The following GLB1 variants were observed in gnomAD, a reference collection of about 807,000 sequenced individuals.
The protein encoded by GLB1 is galactosidase beta 1, also known as beta-galactosidase.
GLB1 carries 56 observed loss-of-function variants against 74.0 expected under a neutral mutation model. That is an observed-to-expected ratio of 0.76 (90% CI 0.61 to 0.94). The LOEUF is 0.94. Ranked by LOEUF, GLB1 falls within the 40% of genes least tolerant of loss-of-function variation. The probability of loss-of-function intolerance (pLI) is 0.00; values close to 1 mark genes in which losing one functional copy is unlikely to be tolerated. For missense variants in GLB1, 787 were observed against 845.5 expected (o/e 0.93, Z 0.86); for synonymous variants, 323 against 323.6 (o/e 1.00, Z 0.02).
the GLB1 span, among the ~76,000 whole-genome samples, chr3:32,964,189 C>T: frequency 1.8e-4 from 27 of 152,318 alleles, no homozygotes; most frequent in Non-Finnish European, 3.5e-4. Flanking sequence ...TGCACCAAGA[C>T]TAGACTGTAC....
chr3:32,996,946 T>C lies in GLB1; in HGVS notation c.*99A>G, dbSNP rs983705429. On this transcript the variant is annotated 3_prime_UTR_variant, in exon 16 of 16. Coordinates refer to ENST00000307363, the MANE Select transcript of GLB1 (RefSeq NM_000404.4). ...GTGAAAATGCACATCCTAAATTCCTTTTCCATTTCCACATTCCAATCAGTG... is the reference window on the plus strand; with the variant it reads ...GTGAAAATGCACATCCTAAATTCCTCTTCCATTTCCACATTCCAATCAGTG... The C allele has an allele frequency of 2.5e-6, 4 of 1,605,906 alleles. No individual in the cohort carries two copies. The African/African-American group carries it at 4.0e-5, about 16-fold the overall frequency.
intron 2 of GLB1, among the ~76,000 whole-genome samples, chr3:33,069,895 T>A (rs577402779): frequency 6.6e-6 from 1 of 152,206 alleles, no homozygotes; most frequent in Non-Finnish European, 1.5e-5. Context: ...GGGTTTGGTG[T>A]ACAGATTATT....
intron 10 of GLB1, among the ~76,000 whole-genome samples, chr3:33,027,520 C>T (rs113236366): frequency 2.0e-5 from 3 of 152,242 alleles, no homozygotes; most frequent in Admixed American, 6.5e-5. Context: ...ACCCGGCTCA[C>T]GCCTATATTC....
rs773227239 is a variant in GLB1, at chr3:33,014,111, C to T, written c.1679G>A (p.Ser560Asn). 14 of 1,614,188 alleles carry T rather than the reference C, an allele frequency of 8.7e-6. No individual in the cohort carries two copies. Among genetic ancestry groups the T allele is most frequent in the Non-Finnish European group, 1.2e-5 (14 of 1,180,042 alleles). ...GTCCTGGGGCAAGTCTGGGATCCCA[C>T]TGGGAATGGAGAAGTTCCCCATATA... ...AFYMGNFSIP[S>N]GIPDLPQDTF... The change falls in exon 15 of 16, where the codon AGT (serine) becomes AAT (asparagine). Residue 560 changes from serine (S) to asparagine (N), a missense_variant. By Grantham distance (46) the Ser-to-Asn change is conservative. Coordinates refer to ENST00000307363, the MANE Select transcript of GLB1 (RefSeq NM_000404.4).
intron 15 of GLB1, 42 bp from the exon 16 acceptor site, chr3:32,997,386 C>T (rs1369185512): frequency 6.2e-6 from 10 of 1,609,776 alleles, no homozygotes; most frequent in Non-Finnish European, 8.5e-6. Context: ...CCAGATGCAC[C>T]GAAAGCCCTG....
chr3:33,095,407 T>A (rs1290572051), intron 1 of GLB1, among the ~76,000 whole-genome samples: 1 of 152,022 alleles, frequency 6.6e-6, no homozygotes, highest in African/African-American at 2.4e-5. Context: ...GCGCCTGTAG[T>A]CCCAGCTACT....
intron 1 of GLB1, among the ~76,000 whole-genome samples, chr3:33,078,869 G>C (rs921565090): frequency 6.6e-6 from 1 of 151,902 alleles, no homozygotes; most frequent in South Asian, 2.1e-4. Flanking sequence ...TTGGATACAG[G>C]GTCTTGCTCC....
At chr3:33,058,000 C>A in intron 6 of GLB1, 89 bp downstream of exon 6, 2 of 1,531,140 alleles carry the variant, frequency 1.3e-6, no homozygotes, top group Non-Finnish European at 9.0e-7. Flanking sequence ...TCAATCTGCC[C>A]ATGACACTTA....
At chr3:33,028,913 C>T (rs968150797) in intron 10 of GLB1, among the ~76,000 whole-genome samples, 25 of 152,020 alleles carry the variant, frequency 1.6e-4, no homozygotes, top group African/African-American at 4.8e-4. Context: ...GTGATCCGCC[C>T]GCCTCGGCCT....
At chr3:32,992,611 A>G (rs933193682), downstream of GLB1, among the ~76,000 whole-genome samples, 1 of 152,208 alleles carries the variant, frequency 6.6e-6, no homozygotes, top group Non-Finnish European at 1.5e-5. Context: ...GCCCGAGACC[A>G]TGCTGATGGA....
chr3:33,025,820 T>C (rs1428307039), intron 10 of GLB1, among the ~76,000 whole-genome samples: 2 of 152,178 alleles, frequency 1.3e-5, no homozygotes, highest in African/African-American at 4.8e-5. Flanking sequence ...GGCAGCTGAC[T>C]GTGCCGTCCC....
chr3:32,972,770 T>C, the GLB1 span, among the ~76,000 whole-genome samples: 2 of 152,084 alleles, frequency 1.3e-5, no homozygotes, highest in Non-Finnish European at 2.9e-5. Context: ...TTAAGAGAAA[T>C]TAAAGAATGT....
intron 1 of GLB1, among the ~76,000 whole-genome samples, chr3:33,073,667 G>A (rs939034113): frequency 1.3e-5 from 2 of 151,950 alleles, no homozygotes; most frequent in African/African-American, 2.4e-5. Flanking sequence ...CAGCCTGGGC[G>A]ACAGAGCGAG....
At chr3:33,013,033 C>A (rs1419103910) in intron 15 of GLB1, among the ~76,000 whole-genome samples, 1 of 152,206 alleles carries the variant, frequency 6.6e-6, no homozygotes, top group African/African-American at 2.4e-5. Flanking sequence ...GCTTCAATGG[C>A]TCTCAACACA....
intron 1 of GLB1, chr3:33,091,616 G>A: frequency 3.0e-6 from 3 of 984,028 alleles, no homozygotes; most frequent in Non-Finnish European, 3.6e-6. Context: ...GATCCCTCCT[G>A]ACAAAACAAT....
intron 15 of GLB1, among the ~76,000 whole-genome samples, chr3:33,008,525 AGTGGAGAGG>A (rs1461723433): frequency 1.3e-5 from 2 of 152,158 alleles, no homozygotes; most frequent in African/African-American, 2.4e-5. Context: ...TGAGGTCTTC[AGTGGAGAGG>A]GTGGAGAGTC....
At chr3:33,055,825 T>TGATAA (rs1699191901) in intron 6 of GLB1, among the ~76,000 whole-genome samples, 1 of 151,294 alleles carries the variant, frequency 6.6e-6, no homozygotes, top group African/African-American at 2.4e-5. Flanking sequence ...CTAACCAACC[T>TGATAA]AACGGATGAG....
chr3:33,096,776 G>A, intron 1 of GLB1: 1 of 1,332,096 alleles, frequency 7.5e-7, no homozygotes, highest in East Asian at 3.2e-5. Context: ...AGGGCGGCCG[G>A]AGCGGAACGC....
downstream of GLB1, among the ~76,000 whole-genome samples, chr3:32,996,415 T>C (rs1167927712): frequency 1.3e-5 from 2 of 152,220 alleles, no homozygotes; most frequent in Non-Finnish European, 2.9e-5. Flanking sequence ...TGCATATAAG[T>C]ATAGATCTCT....
Sources: gnomAD v4.1 joint callset for allele counts (sites outside exome capture counted in the v4.1 genomes callset) on GRCh38, gnomAD v4.1.1 for gene constraint, MANE v1.5 for transcripts, NCBI Gene and HGNC (gene_info 2026-07-23, HGNC 2026-07-21) for gene names.